The following ASTN2 variants were observed in gnomAD, a reference collection of about 807,000 sequenced individuals.
ASTN2 encodes astrotactin 2.
Under a neutral mutation model 139.8 loss-of-function variants are expected in ASTN2, and 54 were observed. The ratio of observed to expected loss-of-function variants is 0.39; its 90% CI spans 0.31 to 0.48. ASTN2 has a LOEUF of 0.48. Ranked by LOEUF, ASTN2 falls within the 20% of genes least tolerant of loss-of-function variation. The pLI is 0.95. For missense variants in ASTN2, 1,565 were observed against 1,725.1 expected, an observed-to-expected ratio of 0.91 and a Z score of 1.64; for synonymous variants, 756 against 719.5, an observed-to-expected ratio of 1.05 and a Z score of -0.81.
intron 13 of ASTN2, among the ~76,000 whole-genome samples, chr9:116,780,995 C>A (rs547029229): frequency 9.2e-4 from 140 of 152,010 alleles, no homozygotes; most frequent in Non-Finnish European, 1.6e-3. Context: ...ATGTGCCACC[C>A]CGCCTGGCTA....
chr9:117,260,820 C>A (rs774729654), intron 2 of ASTN2, among the ~76,000 whole-genome samples: 2 of 152,120 alleles, frequency 1.3e-5, no homozygotes, highest in Non-Finnish European at 2.9e-5. Context: ...ATACCATGTA[C>A]CTCCCAGGCA....
At chr9:117,099,198 T>C (rs1335270444) in intron 4 of ASTN2, among the ~76,000 whole-genome samples, 1 of 151,966 alleles carries the variant, frequency 6.6e-6, no homozygotes, top group Non-Finnish European at 1.5e-5. Context: ...GATAAAGTCA[T>C]TCTCTTATGT....
At chr9:117,371,805 T>C (rs1300875150) in intron 1 of ASTN2, among the ~76,000 whole-genome samples, 1 of 151,968 alleles carries the variant, frequency 6.6e-6, no homozygotes, top group African/African-American at 2.4e-5. Flanking sequence ...TCCTGTAGAG[T>C]GTAATTTTCT....
intron 19 of ASTN2, among the ~76,000 whole-genome samples, chr9:116,565,716 C>A (rs1269481671): frequency 6.6e-6 from 1 of 151,874 alleles, no homozygotes; most frequent in Non-Finnish European, 1.5e-5. Context: ...CTCCTGGACT[C>A]AAGAGATCCA....
chr9:116,558,228 T>C (rs1852732752), intron 19 of ASTN2, among the ~76,000 whole-genome samples: 1 of 152,116 alleles, frequency 6.6e-6, no homozygotes, highest in Non-Finnish European at 1.5e-5. Context: ...TCAGATAAGA[T>C]AACAATACAA....
At chr9:116,537,350 T>C (rs1851684174) in intron 19 of ASTN2, among the ~76,000 whole-genome samples, 1 of 152,240 alleles carries the variant, frequency 6.6e-6, no homozygotes, top group African/African-American at 2.4e-5. Context: ...GTTTACATAA[T>C]GGTGGTACAA....
chr9:117,403,714 G>T (rs1830902924), intron 1 of ASTN2, among the ~76,000 whole-genome samples: 1 of 152,118 alleles, frequency 6.6e-6, no homozygotes, highest in Non-Finnish European at 1.5e-5. Flanking sequence ...GCAAGGCTTT[G>T]TCAGCCAGCC....
intron 10 of ASTN2, among the ~76,000 whole-genome samples, chr9:116,943,400 C>T (rs568747794): frequency 2.5e-4 from 38 of 152,218 alleles, no homozygotes; most frequent in African/African-American, 7.9e-4. Context: ...AACTAGCCTG[C>T]TTACATAAGT....
At chr9:116,988,141 T>C (rs1564372486) in intron 7 of ASTN2, among the ~76,000 whole-genome samples, 1 of 152,252 alleles carries the variant, frequency 6.6e-6, no homozygotes, top group Non-Finnish European at 1.5e-5. Flanking sequence ...TCTCAAATGC[T>C]GAATTCAGTT....
intron 19 of ASTN2, among the ~76,000 whole-genome samples, chr9:116,615,202 A>G (rs993876782): frequency 6.6e-6 from 1 of 152,152 alleles, no homozygotes; most frequent in Non-Finnish European, 1.5e-5. Context: ...TTAGAATGGC[A>G]ATCATTAAAA....
chr9:116,675,179 A>G (rs1377842210), intron 16 of ASTN2, among the ~76,000 whole-genome samples: 2 of 152,056 alleles, frequency 1.3e-5, no homozygotes, highest in Admixed American at 1.3e-4. Context: ...CTGGTACTCT[A>G]TTGGTGGGGT....
intron 19 of ASTN2, chr9:116,586,054 A>G (rs1235341287): frequency 1.3e-5 from 2 of 152,200 alleles, no homozygotes; most frequent in African/African-American, 4.8e-5. Context: ...ACTGCTCCAC[A>G]TTACTAGTCA....
chr9:116,446,283 AG>A (rs1847994448), intron 20 of ASTN2, among the ~76,000 whole-genome samples: 2 of 144,082 alleles, frequency 1.4e-5, no homozygotes, highest in African/African-American at 5.6e-5. Flanking sequence ...AGAGAGAGAG[AG>A]AGAGAGAGAG....
At chr9:116,901,090 TTG>T (rs59919446) in intron 10 of ASTN2, among the ~76,000 whole-genome samples, 103 of 149,590 alleles carry the variant, frequency 6.9e-4, no homozygotes, top group East Asian at 3.6e-3. Flanking sequence ...CGGCTACTGA[TTG>T]TGTGTGTGTG....
intron 4 of ASTN2, among the ~76,000 whole-genome samples, chr9:117,132,731 C>G (rs1196603767): frequency 6.6e-6 from 1 of 152,126 alleles, no homozygotes; most frequent in Non-Finnish European, 1.5e-5. Flanking sequence ...GTGGTACTCT[C>G]CCCGGCTGCA....
intron 6 of ASTN2, among the ~76,000 whole-genome samples, chr9:117,017,161 C>T (rs577316935): frequency 8.0e-4 from 122 of 152,016 alleles, no homozygotes; most frequent in Non-Finnish European, 1.4e-3. Context: ...AAAGTCATGA[C>T]ATGTTTTCTC....
rs146975870 is a variant in ASTN2, at chr9:117,237,759, A to G, written c.631-23017T>C. Among the ~76,000 whole-genome samples, 11 of 152,320 alleles carry G rather than the reference A, an allele frequency of 7.2e-5. No individual in the cohort carries two copies. The East Asian group carries it at 1.7e-3, about 24-fold the overall frequency. ...CTCTCAAAGTGCTGGGATTACAGGC[A>G]TGAGCCACCACACTCAGCCGAGGTT... On this transcript the variant is annotated intron_variant, in intron 2 of 22. Transcript: ENST00000313400.
At chr9:117,342,269 C>T (rs1829084910) in intron 1 of ASTN2, among the ~76,000 whole-genome samples, 1 of 152,208 alleles carries the variant, frequency 6.6e-6, no homozygotes, top group Non-Finnish European at 1.5e-5. Flanking sequence ...ATCCCCCATT[C>T]TGCCACTTCT....
intron 20 of ASTN2, among the ~76,000 whole-genome samples, chr9:116,482,513 C>T (rs1371123161): frequency 1.3e-5 from 2 of 152,048 alleles, no homozygotes; most frequent in African/African-American, 4.8e-5. Context: ...TGTTTGGAGT[C>T]TCCATTCCTG....
Sources: gnomAD v4.1 joint callset for allele counts (sites outside exome capture counted in the v4.1 genomes callset) on GRCh38, gnomAD v4.1.1 for gene constraint, MANE v1.5 for transcripts, NCBI Gene and HGNC (gene_info 2026-07-23, HGNC 2026-07-21) for gene names.